Variants in AACS observed in about 807,000 individuals in gnomAD.
AACS encodes acetoacetyl-CoA synthetase.
Under a neutral mutation model 83.1 loss-of-function variants are expected in AACS, and 69 were observed. The observed-to-expected ratio is 0.83, with a 90% CI of 0.68 to 1.01. AACS has a LOEUF of 1.01. Among genes scored for constraint, AACS ranks in the 50% least tolerant of loss-of-function variants. The pLI is 0.00. For missense variants in AACS, 866 were observed against 882.2 expected, an observed-to-expected ratio of 0.98 and a Z score of 0.23; for synonymous variants, 333 against 343.4, an observed-to-expected ratio of 0.97 and a Z score of 0.33.
chr12:125,117,467 G>C (rs1029281003), intron 9 of AACS: 27 of 152,156 alleles, frequency 1.8e-4, no homozygotes, highest in African/African-American at 6.0e-4. Context: ...TGTTACCCAG[G>C]CTGGTCTCAA....
chr12:125,102,909 C>T (rs1956746013), intron 6 of AACS, 91 bp from the exon 7 acceptor site: 1 of 1,449,920 alleles, frequency 6.9e-7, no homozygotes, highest in South Asian at 1.2e-5. Flanking sequence ...TATTCTCTGC[C>T]CCAGATTGTG....
intron 5 of AACS, 56 bp from the exon 6 acceptor site, chr12:125,102,623 C>T: frequency 6.7e-7 from 1 of 1,492,670 alleles, no homozygotes; most frequent in Non-Finnish European, 9.3e-7. Flanking sequence ...CACCACCATG[C>T]CTGCTGGTTT....
In AACS at chr12:125,113,702, A is replaced by G. The variant is rs1408765393; in HGVS notation, c.916-775A>G. The stretch of plus-strand genomic sequence containing the variant: ...GGGACACTGTGTCACAATGAACAAA[A>G]TGGCATTAATAAATATGTGCCGGCA... On this transcript the variant is annotated intron_variant, in intron 8 of 17. Coordinates refer to ENST00000316519, the MANE Select transcript of AACS (RefSeq NM_023928.5). The surrounding 1 kb of genome is among the most constrained non-coding windows in gnomAD (Gnocchi z 4.8). Among the ~76,000 whole-genome samples the G allele has an allele frequency of 6.6e-6, 1 of 152,212 alleles. No individual in the cohort carries two copies. The highest frequency in any genetic ancestry group is 1.9e-4 in the East Asian group (1 of 5,192).
At chr12:125,076,648 G>A (rs1175389507) in intron 3 of AACS, 37 bp downstream of exon 3, 1 of 1,612,394 alleles carries the variant, frequency 6.2e-7, no homozygotes, top group Non-Finnish European at 8.5e-7. Flanking sequence ...TTTCCTCCGT[G>A]GAAGTTCTAG....
intron 5 of AACS, among the ~76,000 whole-genome samples, chr12:125,098,437 C>G (rs964868795): frequency 3.3e-5 from 5 of 149,872 alleles, no homozygotes; most frequent in African/African-American, 1.2e-4. Context: ...TTCTTTTGTT[C>G]TGTTTTTCTC....
At chr12:125,075,589 G>C (rs1200366572) in intron 2 of AACS, among the ~76,000 whole-genome samples, 3 of 150,226 alleles carry the variant, frequency 2.0e-5, no homozygotes, top group Non-Finnish European at 4.4e-5. Context: ...ACTGTGCCCA[G>C]CTGGAGTTTT....
chr12:125,142,501 G>C lies in AACS; in HGVS notation c.*272G>C, dbSNP rs968082946. The C allele has an allele frequency of 9.4e-6, 4 of 427,062 alleles. No individual in the cohort carries two copies. The highest frequency in any genetic ancestry group is 1.7e-5 in the Non-Finnish European group (4 of 236,076). 26.5% of individuals were successfully genotyped at this position (427,062 alleles called of 1,614,324 possible). On this transcript the variant is annotated 3_prime_UTR_variant, in exon 18 of 18. Coordinates refer to ENST00000316519, the MANE Select transcript of AACS (RefSeq NM_023928.5). ...GAGAGTGTGTGTCTTTGCACACACA[G>C]TGCAGCGGGAACGGTGGGGCTGGCT...
At chr12:125,124,380 A>G (rs1957208675) in intron 10 of AACS, 1 of 286,178 alleles carries the variant, frequency 3.5e-6, no homozygotes, top group Non-Finnish European at 6.5e-6. Context: ...CTTGATTTTT[A>G]TGGCCTCCTT....
intron 9 of AACS, chr12:125,117,490 A>G (rs1957075511): frequency 6.6e-6 from 1 of 152,312 alleles, no homozygotes; most frequent in African/African-American, 2.4e-5. Flanking sequence ...TCTTGAGCTC[A>G]AGTGATCTTC....
chr12:125,133,399 C>A (rs139041763), intron 14 of AACS, among the ~76,000 whole-genome samples: 1 of 152,228 alleles, frequency 6.6e-6, no homozygotes, highest in African/African-American at 2.4e-5. Context: ...AGGCCACTCA[C>A]GTGGCCTGCT....
At chr12:125,105,117 G>T (rs1956805456) in intron 7 of AACS, 1 of 152,192 alleles carries the variant, frequency 6.6e-6, no homozygotes, top group Non-Finnish European at 1.5e-5. Context: ...ATCCACCCTT[G>T]TGATGCAAAC....
rs911807493 is a variant in AACS, at chr12:125,086,390, T to C, written c.419T>C (p.Leu140Ser). The stretch of plus-strand genomic sequence containing the variant: ...GAAGAGCTGAGGCAAGAAGTGGCTT[T>C]GTTTGCAGCAGCAATGAGGAAAATG... ...TFEELRQEVA[L>S]FAAAMRKMGV... The change falls in exon 4 of 18, where the codon TTG becomes TCG. Residue 140 changes from leucine (L) to serine (S), a missense_variant. By Grantham distance (145) the Leu-to-Ser change is moderately radical. Coordinates refer to ENST00000316519, the MANE Select transcript of AACS (RefSeq NM_023928.5). 16 of 1,614,242 alleles carry C rather than the reference T, an allele frequency of 9.9e-6. No individual in the cohort carries two copies. Among genetic ancestry groups the C allele is most frequent in the Non-Finnish European group, 1.4e-5 (16 of 1,180,048 alleles).
intron 17 of AACS, chr12:125,141,089 G>A (rs575759479): frequency 3.3e-5 from 5 of 152,330 alleles, no homozygotes; most frequent in Admixed American, 1.3e-4. Context: ...ACTTTCATTC[G>A]AGGAAGTGAA....
In AACS at chr12:125,128,151, T is replaced by G; in HGVS notation, c.1310-10T>G. On this transcript the variant is annotated splice_polypyrimidine_tract_variant and intron_variant, in intron 12 of 17. Transcript: ENST00000316519. ...CTAAATTTTGAGTCTCCCTTTGCCA[T>G]TGCTTGCAGGAGGCACCGACATCAT... 6.2e-7 allele frequency: 1 copy of G among 1,602,638 alleles called. No individual in the cohort carries two copies. Among genetic ancestry groups the G allele is most frequent in the Non-Finnish European group, 8.5e-7 (1 of 1,172,344 alleles).
intron 5 of AACS, 172 bp from the exon 6 acceptor site, chr12:125,102,507 C>T (rs960159672): frequency 3.2e-6 from 2 of 625,738 alleles, no homozygotes; most frequent in African/African-American, 1.8e-5. Context: ...CACTCGTGCC[C>T]AGGCTGGAAT....
At position 125,124,729 on chromosome 12, in the gene AACS, C is replaced by T. The variant is rs1957217845; in HGVS notation, c.1146C>T (p.Ala382=). The change falls in exon 11 of 18, where the codon GCC becomes GCT. Residue 382 remains alanine, a synonymous_variant. Transcript: ENST00000316519. ...RIGITVLVTG[A]KWLSVLEEKA... is the part of the protein sequence containing the mutation. ...GCATCACTGTCCTGGTAACTGGGGCCAAGTGGCTGTCAGTGCTGGAAGAGA... is the reference window on the plus strand; with the variant it reads ...GCATCACTGTCCTGGTAACTGGGGCTAAGTGGCTGTCAGTGCTGGAAGAGA... The T allele has an allele frequency of 6.2e-7, 1 of 1,614,008 alleles. No homozygotes were observed. The highest frequency in any genetic ancestry group is 1.3e-5 in the African/African-American group (1 of 74,912).
chr12:125,079,074 C>A (rs1956102140), intron 3 of AACS, among the ~76,000 whole-genome samples: 1 of 152,118 alleles, frequency 6.6e-6, no homozygotes, highest in Non-Finnish European at 1.5e-5. Context: ...CTCTGGCTGA[C>A]CCCTGTACCT....
intron 14 of AACS, 110 bp from the exon 15 acceptor site, chr12:125,133,893 C>A: frequency 9.2e-7 from 1 of 1,092,332 alleles, no homozygotes; most frequent in South Asian, 1.4e-5. Flanking sequence ...CATGCCAGAC[C>A]TGCCTCTGGG....
chr12:125,103,767 T>A (rs1018916655), intron 7 of AACS, among the ~76,000 whole-genome samples: 1 of 151,932 alleles, frequency 6.6e-6, no homozygotes, highest in African/African-American at 2.4e-5. Context: ...GGCAGGCGGA[T>A]CACGAGGTCA....
Sources: allele counts gnomAD v4.1 joint callset (sites outside exome capture counted in the v4.1 genomes callset), GRCh38; gene constraint gnomAD v4.1.1; non-coding constraint Gnocchi (gnomAD v3.1); transcripts MANE v1.5; gene names NCBI Gene and HGNC (gene_info 2026-07-23, HGNC 2026-07-21).